Variants in CCDC60 observed in about 807,000 individuals in gnomAD.
CCDC60 encodes coiled-coil domain containing 60.
In CCDC60, 54 loss-of-function variants were observed where a neutral mutation model predicts 63.5. The ratio of observed to expected loss-of-function variants is 0.85; its 90% confidence interval spans 0.68 to 1.07. The LOEUF (loss-of-function observed/expected upper bound fraction) is 1.07, where lower values mean the gene tolerates loss of function less well. CCDC60 is among the 50% of genes least tolerant of loss of function. The pLI is 0.00. For synonymous variants in CCDC60, 206 were observed against 238.8 expected (o/e 0.86, Z 1.27); for missense variants, 651 against 684.3 (o/e 0.95, Z 0.54).
At chr12:119,540,471 C>G in intron 13 of CCDC60, 143 bp from the exon 14 acceptor site, 1 of 662,692 alleles carries the variant, frequency 1.5e-6, no homozygotes, top group South Asian at 1.8e-5. Context: ...CAATCTGATG[C>G]TCCAAGATTA....
At chr12:119,510,438 C>T (rs777366042) in intron 7 of CCDC60, among the ~76,000 whole-genome samples, 5 of 152,178 alleles carry the variant, frequency 3.3e-5, no homozygotes, top group Non-Finnish European at 7.3e-5. Flanking sequence ...ATGTTCCCTC[C>T]TCTGTGAAGC....
In CCDC60 at chr12:119,534,080, C is replaced by T. The variant is rs373510097; in HGVS notation, c.1551+3017C>T. Among the ~76,000 whole-genome samples the T allele has an allele frequency of 5.3e-5, 8 of 152,150 alleles. No individual in the cohort carries two copies. The East Asian group carries it at 1.5e-3, about 29-fold the overall frequency. ...GGAATATTTTTCCATTTGTTTGTGTCCTCTTTTATTTCGTTGAGCAGTGGT... is the reference window on the plus strand; with the variant it reads ...GGAATATTTTTCCATTTGTTTGTGTTCTCTTTTATTTCGTTGAGCAGTGGT... On this transcript the variant is annotated intron_variant, in intron 13 of 13. Coordinates refer to ENST00000327554, the MANE Select transcript of CCDC60 (RefSeq NM_178499.5).
At chr12:119,497,662 C>T (rs949631239) in intron 5 of CCDC60, among the ~76,000 whole-genome samples, 1 of 151,690 alleles carries the variant, frequency 6.6e-6, no homozygotes. Context: ...TTTTGAACTT[C>T]GAGAAGAAGG....
chr12:119,361,808 TAA>T (rs1955793700), intron 1 of CCDC60, among the ~76,000 whole-genome samples: 2 of 152,312 alleles, frequency 1.3e-5, no homozygotes, highest in East Asian at 1.9e-4. Flanking sequence ...AATCAAATAA[TAA>T]GTCATGTCCA....
At chr12:119,338,448 C>T (rs943168141) in intron 1 of CCDC60, among the ~76,000 whole-genome samples, 1 of 152,098 alleles carries the variant, frequency 6.6e-6, no homozygotes, top group African/African-American at 2.4e-5. Context: ...GAACTGTTAC[C>T]TCTTCATGAG....
chr12:119,482,091 T>C (rs1163932076), intron 4 of CCDC60, among the ~76,000 whole-genome samples: 1 of 146,096 alleles, frequency 6.8e-6, no homozygotes, highest in Non-Finnish European at 1.5e-5. Context: ...TCCATATATA[T>C]ATATATACAC....
chr12:119,524,189 T>C (rs1952614278), intron 11 of CCDC60, among the ~76,000 whole-genome samples: 1 of 151,898 alleles, frequency 6.6e-6, no homozygotes, highest in African/African-American at 2.4e-5. Flanking sequence ...ACATTCCAGG[T>C]AGAAGGAAAA....
At position 119,337,282 on chromosome 12, in the gene CCDC60, G is replaced by T. The variant is rs570948863; in HGVS notation, c.90+2016G>T. ...TGAACTTCCCAGCATAGCGGTGGGA[G>T]AATGAATGAGGGAAAGAATGAAGAG... On this transcript the variant is annotated intron_variant, in intron 1 of 13. Transcript: ENST00000327554. Among the ~76,000 whole-genome samples, 255 of 152,334 alleles carry T rather than the reference G, an allele frequency of 1.7e-3. 4 individuals are homozygous for T. Among genetic ancestry groups the T allele is most frequent in the Non-Finnish European group, 1.2e-4 (8 of 68,040 alleles).
At chr12:119,350,843 G>A (rs1052456102) in intron 1 of CCDC60, among the ~76,000 whole-genome samples, 3 of 152,124 alleles carry the variant, frequency 2.0e-5, no homozygotes, top group Admixed American at 6.5e-5. Flanking sequence ...GTCATTATGG[G>A]CAGGATCCCA....
intron 13 of CCDC60, among the ~76,000 whole-genome samples, chr12:119,537,510 T>G (rs1788067105): frequency 6.6e-6 from 1 of 152,254 alleles, no homozygotes; most frequent in Non-Finnish European, 1.5e-5. Context: ...TTTAGAATTT[T>G]CAGCTTTTCT....
At chr12:119,384,577 G>T (rs1593006997) in intron 1 of CCDC60, among the ~76,000 whole-genome samples, 1 of 152,322 alleles carries the variant, frequency 6.6e-6, no homozygotes, top group African/African-American at 2.4e-5. Flanking sequence ...GGAGAAGACA[G>T]ACCTGCCATT....
chr12:119,393,364 A>G (rs1177861574), intron 1 of CCDC60, among the ~76,000 whole-genome samples: 1 of 152,232 alleles, frequency 6.6e-6, no homozygotes, highest in African/African-American at 2.4e-5. Flanking sequence ...AATAGCATCC[A>G]AGAGTTCCAA....
chr12:119,491,635 C>T (rs1317735771), intron 5 of CCDC60, among the ~76,000 whole-genome samples: 1 of 152,110 alleles, frequency 6.6e-6, no homozygotes, highest in Non-Finnish European at 1.5e-5. Context: ...GCCCCTTACA[C>T]ATATCTTTTA....
chr12:119,341,762 G>A (rs1396654013), intron 1 of CCDC60, among the ~76,000 whole-genome samples: 2 of 152,216 alleles, frequency 1.3e-5, no homozygotes, highest in Non-Finnish European at 2.9e-5. Context: ...CATCATTAAT[G>A]AGGCCAGGCC....
chr12:119,452,310 C>T (rs1295956168), intron 2 of CCDC60, among the ~76,000 whole-genome samples: 1 of 152,156 alleles, frequency 6.6e-6, no homozygotes, highest in Non-Finnish European at 1.5e-5. Flanking sequence ...TAGAATTGTA[C>T]TTTCTCTTTG....
chr12:119,430,166 CCACACATA>C (rs1950198594), intron 2 of CCDC60, among the ~76,000 whole-genome samples: 1 of 115,270 alleles, frequency 8.7e-6, no homozygotes, highest in African/African-American at 3.6e-5. Context: ...TGTGCCCCTG[CCACACATA>C]CACACACACA....
intron 1 of CCDC60, among the ~76,000 whole-genome samples, chr12:119,356,344 A>G (rs1333081469): frequency 6.6e-6 from 1 of 152,150 alleles, no homozygotes; most frequent in Non-Finnish European, 1.5e-5. Context: ...AATGATACAT[A>G]GTTATCCATT....
At chr12:119,350,852 C>G (rs1955649479) in intron 1 of CCDC60, among the ~76,000 whole-genome samples, 1 of 152,176 alleles carries the variant, frequency 6.6e-6, no homozygotes, top group African/African-American at 2.4e-5. Context: ...GGCAGGATCC[C>G]AGGTTGCTGT....
chr12:119,537,977 G>A lies in CCDC60; in HGVS notation c.1552-2637G>A, dbSNP rs146214112. ...CTGTCAGACAGGGACGTTTAAGTCT[G>A]CAGAAGTATCTGCTGCCTTTTGTTC... is the stretch of plus-strand genomic sequence containing the variant. On this transcript the variant is annotated intron_variant, in intron 13 of 13. Transcript: ENST00000327554. Among the ~76,000 whole-genome samples, 278 of 152,334 alleles carry A rather than the reference G, an allele frequency of 1.8e-3. 1 individual carries two copies. The Middle Eastern group carries it at 0.024, about 13-fold the overall frequency.
Sources: gnomAD v4.1 joint callset for allele counts (sites outside exome capture counted in the v4.1 genomes callset) on GRCh38, gnomAD v4.1.1 for gene constraint, MANE v1.5 for transcripts, NCBI Gene and HGNC (gene_info 2026-07-23, HGNC 2026-07-21) for gene names.